SCAI: variants seen among roughly 807,000 people sequenced by gnomAD.
SCAI encodes the protein protein SCAI.
A neutral mutation model predicts 92.2 loss-of-function variants in SCAI; 24 were observed. That is an observed-to-expected ratio of 0.26 (90% confidence interval 0.19 to 0.37). SCAI has a LOEUF of 0.37. SCAI is among the 10% of genes least tolerant of loss of function. The probability of loss-of-function intolerance (pLI) is 1.00; values close to 1 mark genes in which losing one functional copy is unlikely to be tolerated. For missense variants in SCAI, 450 were observed against 736.2 expected (o/e 0.61, Z 4.50); for synonymous variants, 261 against 258.6 (o/e 1.01, Z -0.09).
intron 2 of SCAI, among the ~76,000 whole-genome samples, chr9:125,095,353 A>G (rs1834524064): frequency 6.6e-6 from 1 of 152,230 alleles, no homozygotes; most frequent in Non-Finnish European, 1.5e-5. Context: ...CATTCTGCAC[A>G]TTAAGTTGTG....
At chr9:124,975,790 T>C (rs1233709720) in intron 15 of SCAI, among the ~76,000 whole-genome samples, 1 of 152,194 alleles carries the variant, frequency 6.6e-6, no homozygotes, top group Non-Finnish European at 1.5e-5. Flanking sequence ...AGGAAAACCA[T>C]GCTATATGGA....
At chr9:124,959,020 C>CA (rs1831378425) in intron 17 of SCAI, among the ~76,000 whole-genome samples, 1 of 151,684 alleles carries the variant, frequency 6.6e-6, no homozygotes, top group Admixed American at 6.6e-5. Context: ...GATTTTTCAT[C>CA]GTAGCTTCAA....
chr9:125,065,327 G>A (rs1833852154), intron 2 of SCAI, among the ~76,000 whole-genome samples: 1 of 152,074 alleles, frequency 6.6e-6, no homozygotes, highest in Non-Finnish European at 1.5e-5. Context: ...TGCCATCAAC[G>A]TGAACATTTA....
In SCAI at chr9:124,994,124, T is replaced by C. The variant is rs528301471; in HGVS notation, c.1326+810A>G. Among the ~76,000 whole-genome samples, 35 of 150,312 alleles carry C rather than the reference T, an allele frequency of 2.3e-4. No individual in the cohort carries two copies. The South Asian group carries it at 7.5e-3, about 32-fold the overall frequency. ...ATTTCAGCTCACCACAACCTCTACC[T>C]CCCAGGTTCAAGTGAGTCTCCCGCC... On this transcript the variant is annotated intron_variant, in intron 14 of 17. Coordinates refer to ENST00000336505, the MANE Select transcript of SCAI (RefSeq NM_001144877.3).
intron 2 of SCAI, among the ~76,000 whole-genome samples, chr9:125,065,639 C>G (rs527465673): frequency 1.3e-5 from 2 of 152,168 alleles, no homozygotes; most frequent in Admixed American, 1.3e-4. Flanking sequence ...TATAAGAAAG[C>G]AAAATTACAG....
chr9:125,087,003 C>T (rs1834336366), intron 2 of SCAI, among the ~76,000 whole-genome samples: 1 of 152,048 alleles, frequency 6.6e-6, no homozygotes, highest in African/African-American at 2.4e-5. Flanking sequence ...TAGGACAATT[C>T]TGTGAATGAA....
intron 15 of SCAI, among the ~76,000 whole-genome samples, chr9:124,972,389 G>A (rs1040480121): frequency 1.3e-5 from 2 of 152,022 alleles, no homozygotes; most frequent in African/African-American, 2.4e-5. Context: ...TCTGTCTTGC[G>A]GTAGATACTG....
chr9:125,113,055 T>C (rs1313318032), intron 2 of SCAI, among the ~76,000 whole-genome samples: 1 of 152,224 alleles, frequency 6.6e-6, no homozygotes, highest in Non-Finnish European at 1.5e-5. Context: ...TTTATGTAGG[T>C]ATTTTATCTT....
At chr9:125,001,843 G>T (rs1011604232) in intron 12 of SCAI, 122 bp downstream of exon 12, 3 of 610,234 alleles carry the variant, frequency 4.9e-6, no homozygotes, top group African/African-American at 3.7e-5. Flanking sequence ...AATAGACCAG[G>T]TTTCAAATTT....
intron 2 of SCAI, among the ~76,000 whole-genome samples, chr9:125,059,755 C>T (rs957510415): frequency 6.6e-6 from 1 of 152,150 alleles, no homozygotes; most frequent in African/African-American, 2.4e-5. Context: ...AACACAAGAA[C>T]TGGTGAAGAA....
In SCAI at chr9:124,944,057, G is replaced by A. The variant is rs1720667873; in HGVS notation, c.*8750C>T. The A allele has an allele frequency of 6.6e-6, 1 of 152,120 alleles. No individual in the cohort carries two copies. The highest frequency in any genetic ancestry group is 1.5e-5 in the Non-Finnish European group (1 of 68,030). The allele number at this position is 152,120 out of a possible 1,614,324, so 9.4% of individuals were successfully genotyped here. On this transcript the variant is annotated 3_prime_UTR_variant, in exon 18 of 18. Coordinates refer to ENST00000336505, the MANE Select transcript of SCAI (RefSeq NM_001144877.3). Reference sequence around the variant, plus strand: ...TATCTAAGATGTTTCTACCTCAACTGGAAGAATCATCCAAAATCTAAAGGT... The same window carrying A: ...TATCTAAGATGTTTCTACCTCAACTAGAAGAATCATCCAAAATCTAAAGGT...
chr9:125,101,925 G>C (rs1834686789), intron 2 of SCAI, among the ~76,000 whole-genome samples: 2 of 152,214 alleles, frequency 1.3e-5, no homozygotes, highest in African/African-American at 4.8e-5. Flanking sequence ...AGGGGATAGA[G>C]ACATCAAGCT....
rs930618497 is a variant in SCAI at position 124,948,739 on chromosome 9, A to G, written c.*4068T>C. 4.6e-5 allele frequency: 7 copies of G among 152,186 alleles called. No individual in the cohort carries two copies. Among genetic ancestry groups the G allele is most frequent in the African/African-American group, 1.2e-4 (5 of 41,440 alleles). The allele number at this position is 152,186 out of a possible 1,614,324, so 9.4% of individuals were successfully genotyped here. A position where few individuals can be genotyped will look rare whatever the true frequency, so the allele number is the denominator to read the frequency against. On this transcript the variant is annotated 3_prime_UTR_variant, in exon 18 of 18. Transcript: ENST00000336505. ...GACTTCTTGCAGTCTTATGCTTTCT[A>G]TGTTGTTTACAGTGATAGTTAAGAG...
At chr9:125,142,772 C>T (rs1835698535) in intron 1 of SCAI, 95 bp from the exon 2 acceptor site, 16 of 1,043,002 alleles carry the variant, frequency 1.5e-5, no homozygotes, top group South Asian at 7.7e-5. Context: ...ATAGACCACC[C>T]TCTGGGACCA....
intron 2 of SCAI, among the ~76,000 whole-genome samples, chr9:125,135,204 T>C (rs1835495985): frequency 1.3e-5 from 2 of 152,122 alleles, no homozygotes; most frequent in African/African-American, 2.4e-5. Context: ...TACAAAGAAA[T>C]AATAATGCAT....
chr9:125,080,719 C>T (rs1834197274), intron 2 of SCAI, among the ~76,000 whole-genome samples: 1 of 152,194 alleles, frequency 6.6e-6, no homozygotes, highest in Non-Finnish European at 1.5e-5. Context: ...ATATTCATAA[C>T]ATTATGTCAC....
At chr9:125,130,606 C>A (rs185572979) in intron 2 of SCAI, among the ~76,000 whole-genome samples, 1 of 152,030 alleles carries the variant, frequency 6.6e-6, no homozygotes, top group African/African-American at 2.4e-5. Context: ...CTCTACCTCC[C>A]GGGTTGGAGC....
Position 124,943,691 on chromosome 9 carries a change from T to C in SCAI, c.*9116A>G, listed in dbSNP as rs939946276. The C allele has an allele frequency of 6.6e-6, 1 of 152,172 alleles. No homozygotes were observed. 9.4% of individuals were successfully genotyped at this position (152,172 alleles called of 1,614,324 possible). The stretch of plus-strand genomic sequence containing the variant: ...GCATTTCTGCCTAATAATCAGAATG[T>C]AGACAATAAGTTCAGCATTATTTTC... On this transcript the variant is annotated 3_prime_UTR_variant, in exon 18 of 18. Transcript: ENST00000336505.
chr9:124,999,778 G>C, intron 13 of SCAI, 113 bp downstream of exon 13: 1 of 621,396 alleles, frequency 1.6e-6, no homozygotes, highest in Non-Finnish European at 2.8e-6. Context: ...CTAAATCTTA[G>C]TCTAAGGGAA....
Sources: gnomAD v4.1 joint callset for allele counts (sites outside exome capture counted in the v4.1 genomes callset) on GRCh38, gnomAD v4.1.1 for gene constraint, MANE v1.5 for transcripts, NCBI Gene and HGNC (gene_info 2026-07-23, HGNC 2026-07-21) for gene names.